The following GPC5 variants were observed in gnomAD, a reference collection of about 807,000 sequenced individuals.
GPC5 encodes the protein glypican 5.
In GPC5, 47 loss-of-function variants were observed where a neutral mutation model predicts 53.9. The observed-to-expected ratio is 0.87, with a 90% CI of 0.69 to 1.11. GPC5 has a LOEUF of 1.11. Ranked by LOEUF, GPC5 falls within the 50% of genes most tolerant of loss-of-function variation. The probability of loss-of-function intolerance (pLI) is 0.00; values close to 1 mark genes in which losing one functional copy is unlikely to be tolerated. For synonymous variants in GPC5, 286 were observed against 263.3 expected (o/e 1.09, Z -0.84); for missense variants, 748 against 713.1 (o/e 1.05, Z -0.56).
At chr13:91,560,170 C>G (rs1489196923) in intron 2 of GPC5, among the ~76,000 whole-genome samples, 6 of 152,084 alleles carry the variant, frequency 3.9e-5, no homozygotes, top group African/African-American at 1.4e-4. Flanking sequence ...GCCAGAGCTT[C>G]CCTGGCATGA....
chr13:91,425,446 TC>T lies in GPC5; in HGVS notation c.164-23310del, dbSNP rs376002829. 4.3e-3 allele frequency among the ~76,000 whole-genome samples: 659 copies of T among 152,252 alleles called. 4 individuals carry two copies. The highest frequency in any genetic ancestry group is 0.015 in the African/African-American group (640 of 41,548). ...AAGTGATTGGATCATGGGAGCAGTT[TC>T]CCCCATGCTCTTCTCATGATAGTGA... On this transcript the variant is annotated intron_variant, in intron 1 of 7. Coordinates refer to ENST00000377067, the MANE Select transcript of GPC5 (RefSeq NM_004466.6).
At chr13:92,231,075 T>C (rs1323532574) in intron 7 of GPC5, among the ~76,000 whole-genome samples, 1 of 152,172 alleles carries the variant, frequency 6.6e-6, no homozygotes, top group Non-Finnish European at 1.5e-5. Flanking sequence ...AATCATCCTG[T>C]CAAATATCAG....
chr13:92,379,576 T>C (rs927517795), intron 7 of GPC5, among the ~76,000 whole-genome samples: 5 of 151,012 alleles, frequency 3.3e-5, no homozygotes, highest in Admixed American at 2.0e-4. Context: ...TTAGTTCCTC[T>C]CTGTGCCCCC....
intron 3 of GPC5, among the ~76,000 whole-genome samples, chr13:91,712,336 ATATG>A (rs2036243814): frequency 6.6e-6 from 1 of 151,554 alleles, no homozygotes; most frequent in South Asian, 2.1e-4. Flanking sequence ...GTGTATATAT[ATATG>A]TGTGTGTGTG....
chr13:92,527,105 G>GA (rs58962175), intron 7 of GPC5, among the ~76,000 whole-genome samples: 8 of 47,658 alleles, frequency 1.7e-4, no homozygotes, highest in African/African-American at 4.6e-4. Context: ...GGAAAAGAAA[G>GA]AAAAAAGAAA....
At chr13:92,755,857 G>T (rs1375164835) in intron 7 of GPC5, among the ~76,000 whole-genome samples, 1 of 143,350 alleles carries the variant, frequency 7.0e-6, no homozygotes, top group South Asian at 2.3e-4. Context: ...CAACCAAAAA[G>T]AGTCCAGGAC....
At chr13:91,878,342 G>T (rs2039227142) in intron 5 of GPC5, among the ~76,000 whole-genome samples, 1 of 152,190 alleles carries the variant, frequency 6.6e-6, no homozygotes, top group African/African-American at 2.4e-5. Context: ...CCTAAAATGA[G>T]TACTTTTGTA....
At position 92,463,571 on chromosome 13, in the gene GPC5, A is replaced by ATTT. The variant is rs562253315; in HGVS notation, c.1561+318585_1561+318587dup. On this transcript the variant is annotated intron_variant, in intron 7 of 7. Transcript: ENST00000377067. ...ATAAAGCTGCTGTGATCTTTAAACT[A>ATTT]TTTTTGCATGTTAAATGATCTCAGT... Among the ~76,000 whole-genome samples the ATTT allele has an allele frequency of 5.9e-5, 9 of 151,280 alleles. No homozygotes were observed. The South Asian group carries it at 1.9e-3, about 32-fold the overall frequency.
At chr13:92,752,770 C>G (rs1466506080) in intron 7 of GPC5, among the ~76,000 whole-genome samples, 1 of 152,154 alleles carries the variant, frequency 6.6e-6, no homozygotes, top group Non-Finnish European at 1.5e-5. Context: ...CCGAATACTG[C>G]ACTTTTCCAA....
At chr13:92,183,699 T>G (rs540593134) in intron 7 of GPC5, among the ~76,000 whole-genome samples, 1 of 152,044 alleles carries the variant, frequency 6.6e-6, no homozygotes, top group Non-Finnish European at 1.5e-5. Context: ...TTCTGTCAAA[T>G]GTAAATATGG....
chr13:92,305,952 A>T (rs1452508541), intron 7 of GPC5, among the ~76,000 whole-genome samples: 1 of 152,230 alleles, frequency 6.6e-6, no homozygotes, highest in Non-Finnish European at 1.5e-5. Context: ...AAAGTAAAGA[A>T]GAATTCTTTA....
At chr13:91,920,516 A>C (rs1163521530) in intron 6 of GPC5, among the ~76,000 whole-genome samples, 1 of 152,360 alleles carries the variant, frequency 6.6e-6, no homozygotes, top group South Asian at 2.1e-4. Context: ...ATGAAGAGTC[A>C]TGACTCCCTA....
At position 92,315,997 on chromosome 13, in the gene GPC5, A is replaced by G. The variant is rs967710068; in HGVS notation, c.1561+171008A>G. Among the ~76,000 whole-genome samples the G allele has an allele frequency of 1.2e-4, 18 of 152,144 alleles. 1 individual carries two copies. Among genetic ancestry groups the G allele is most frequent in the Non-Finnish European group, 2.4e-4 (16 of 68,006 alleles). On this transcript the variant is annotated intron_variant, in intron 7 of 7. Coordinates refer to ENST00000377067, the MANE Select transcript of GPC5 (RefSeq NM_004466.6). Reference sequence around the variant, plus strand: ...AGTTGTTCATGTATAATATTTAAATAATTCCCCACTTTAACTGACTTCAAC... The same window carrying G: ...AGTTGTTCATGTATAATATTTAAATGATTCCCCACTTTAACTGACTTCAAC...
Position 91,979,053 on chromosome 13 carries a change from A to C in GPC5, c.1401+70996A>C, listed in dbSNP as rs1173281571. On this transcript the variant is annotated intron_variant, in intron 6 of 7. Transcript: ENST00000377067. Reference sequence around the variant, plus strand: ...TTACTGAGAAGGGATAGAATGAGAGAGGAATAGACTTGGGTGAGGGTGGAG... The same window carrying C: ...TTACTGAGAAGGGATAGAATGAGAGCGGAATAGACTTGGGTGAGGGTGGAG... Among the ~76,000 whole-genome samples the C allele has an allele frequency of 3.3e-5, 5 of 152,276 alleles. No homozygotes were observed. The East Asian group carries it at 7.7e-4, about 24-fold the overall frequency.
At chr13:92,241,669 G>A (rs2042612428) in intron 7 of GPC5, 1 of 152,152 alleles carries the variant, frequency 6.6e-6, no homozygotes, top group South Asian at 2.1e-4. Context: ...TAACTTACAA[G>A]TGAGTTTTGA....
At chr13:92,259,634 A>G (rs2042751308) in intron 7 of GPC5, among the ~76,000 whole-genome samples, 2 of 152,250 alleles carry the variant, frequency 1.3e-5, no homozygotes, top group South Asian at 4.2e-4. Context: ...AGAATTAAAG[A>G]GAGAGTGTGG....
intron 5 of GPC5, among the ~76,000 whole-genome samples, chr13:91,768,564 A>AT (rs1486624903): frequency 6.6e-6 from 1 of 152,218 alleles, no homozygotes; most frequent in East Asian, 1.9e-4. Flanking sequence ...CAGAGTAGTC[A>AT]TGAAGAAATG....
chr13:92,703,700 T>C (rs1187370591), intron 7 of GPC5, among the ~76,000 whole-genome samples: 1 of 151,240 alleles, frequency 6.6e-6, no homozygotes, highest in East Asian at 1.9e-4. Context: ...ATATTTTAGA[T>C]ATATTTTATT....
At chr13:92,326,295 T>C (rs1252591036) in intron 7 of GPC5, among the ~76,000 whole-genome samples, 1 of 152,062 alleles carries the variant, frequency 6.6e-6, no homozygotes, top group Non-Finnish European at 1.5e-5. Flanking sequence ...AAAGAAAGTA[T>C]GGGTTTTTAT....
Sources: allele counts gnomAD v4.1 joint callset (sites outside exome capture counted in the v4.1 genomes callset), GRCh38; gene constraint gnomAD v4.1.1; transcripts MANE v1.5; gene names NCBI Gene and HGNC (gene_info 2026-07-23, HGNC 2026-07-21).